DDX10: variants seen among roughly 807,000 people sequenced by gnomAD.
DDX10 encodes probable ATP-dependent RNA helicase DDX10.
Under a neutral mutation model 104.3 loss-of-function variants are expected in DDX10, and 74 were observed. The observed-to-expected ratio is 0.71, with a 90% CI of 0.59 to 0.86. DDX10 has a LOEUF of 0.86. DDX10 is among the 40% of genes least tolerant of loss of function. The pLI is 0.00. For synonymous variants in DDX10, 351 were observed against 353.4 expected (o/e 0.99, Z 0.08); for missense variants, 952 against 1,040.0 (o/e 0.92, Z 1.16).
At chr11:108,757,776 C>G (rs1328775229) in intron 13 of DDX10, among the ~76,000 whole-genome samples, 1 of 152,034 alleles carries the variant, frequency 6.6e-6, no homozygotes, top group Admixed American at 6.6e-5. Context: ...TGGCTTTTCC[C>G]TGACCTTTGG....
intron 10 of DDX10, among the ~76,000 whole-genome samples, chr11:108,714,295 TC>T (rs893660757): frequency 2.0e-5 from 3 of 152,124 alleles, no homozygotes; most frequent in African/African-American, 7.2e-5. Flanking sequence ...AGGCACTGCC[TC>T]CCCCAGTTGT....
At position 108,841,311 on chromosome 11, in the gene DDX10, G is replaced by A. The variant is rs1295210967; in HGVS notation, c.2086-4G>A. ...GTTGACACTGACCTTTTTTTTACCTGTAGTTGGTTCAGCAGTGGCCACAAA... is the reference window on the plus strand; with the variant it reads ...GTTGACACTGACCTTTTTTTTACCTATAGTTGGTTCAGCAGTGGCCACAAA... On this transcript the variant is annotated splice_region_variant and splice_polypyrimidine_tract_variant and intron_variant, in intron 14 of 17. Transcript: ENST00000322536. The A allele has an allele frequency of 6.2e-7, 1 of 1,608,604 alleles. No homozygotes were observed. The highest frequency in any genetic ancestry group is 8.5e-7 in the Non-Finnish European group (1 of 1,178,582).
At chr11:108,813,715 C>T (rs538760732) in intron 13 of DDX10, among the ~76,000 whole-genome samples, 1 of 152,184 alleles carries the variant, frequency 6.6e-6, no homozygotes, top group South Asian at 2.1e-4. Context: ...TATTTTGCGT[C>T]TAAGCTTTTG....
At chr11:108,875,328 T>C (rs1863138131) in intron 16 of DDX10, among the ~76,000 whole-genome samples, 1 of 152,168 alleles carries the variant, frequency 6.6e-6, no homozygotes, top group African/African-American at 2.4e-5. Flanking sequence ...ACTTAATGAG[T>C]CATGATTTGA....
intron 6 of DDX10, among the ~76,000 whole-genome samples, chr11:108,687,081 G>A (rs1411343906): frequency 3.9e-5 from 6 of 152,102 alleles, no homozygotes; most frequent in African/African-American, 2.4e-5. Flanking sequence ...CACTGCGCCC[G>A]GCCTCAAGTA....
At chr11:108,794,181 T>A (rs1215583859) in intron 13 of DDX10, among the ~76,000 whole-genome samples, 1 of 152,180 alleles carries the variant, frequency 6.6e-6, no homozygotes, top group Non-Finnish European at 1.5e-5. Flanking sequence ...TAATTGCTTT[T>A]TCTTTGGATG....
At chr11:108,838,645 T>C in intron 14 of DDX10, 80 bp downstream of exon 14, 1 of 1,442,828 alleles carries the variant, frequency 6.9e-7, no homozygotes, top group Non-Finnish European at 9.3e-7. Flanking sequence ...TTAGCACTCA[T>C]TAATGATAGA....
chr11:108,865,686 G>A (rs915701744), intron 16 of DDX10, among the ~76,000 whole-genome samples: 3 of 152,024 alleles, frequency 2.0e-5, no homozygotes, highest in Non-Finnish European at 4.4e-5. Flanking sequence ...GGGATGCAGC[G>A]AGATTTTGAG....
At chr11:108,847,138 A>G (rs762678792) in intron 15 of DDX10, among the ~76,000 whole-genome samples, 6 of 152,272 alleles carry the variant, frequency 3.9e-5, no homozygotes, top group Non-Finnish European at 7.3e-5. Flanking sequence ...AAATAAAAAT[A>G]CAGCAAAAGC....
At chr11:108,754,500 A>G (rs1278644177) in intron 13 of DDX10, among the ~76,000 whole-genome samples, 1 of 152,014 alleles carries the variant, frequency 6.6e-6, no homozygotes, top group Non-Finnish European at 1.5e-5. Context: ...TTTTCTGTGT[A>G]TACTTGATTT....
chr11:108,671,175 T>C (rs2094216513), intron 1 of DDX10, among the ~76,000 whole-genome samples: 1 of 152,196 alleles, frequency 6.6e-6, no homozygotes, highest in Non-Finnish European at 1.5e-5. Flanking sequence ...GAAAGAGTTA[T>C]TTTTTTGAGG....
intron 13 of DDX10, among the ~76,000 whole-genome samples, chr11:108,836,312 C>T (rs1050561884): frequency 6.6e-6 from 1 of 152,106 alleles, no homozygotes; most frequent in Non-Finnish European, 1.5e-5. Flanking sequence ...TTTAGTAATA[C>T]CCACATAGTA....
intron 12 of DDX10, 93 bp from the exon 13 acceptor site, chr11:108,722,904 T>A: frequency 6.9e-7 from 1 of 1,457,012 alleles, no homozygotes; most frequent in Middle Eastern, 1.8e-4. Flanking sequence ...AAAAAAGCTC[T>A]AGGAATCTCT....
chr11:108,731,975 T>C (rs1285706830), intron 13 of DDX10, among the ~76,000 whole-genome samples: 1 of 152,194 alleles, frequency 6.6e-6, no homozygotes, highest in Admixed American at 6.5e-5. Context: ...GTAGACACCA[T>C]ACCAGACACA....
intron 13 of DDX10, chr11:108,822,383 C>T: frequency 2.5e-6 from 1 of 405,230 alleles, no homozygotes. Context: ...GCCCTTTCTG[C>T]CTTCTTCTTA....
At chr11:108,839,125 GA>G (rs1243659830) in intron 14 of DDX10, among the ~76,000 whole-genome samples, 2 of 152,210 alleles carry the variant, frequency 1.3e-5, no homozygotes, top group Admixed American at 6.5e-5. Flanking sequence ...GGTTACTCAT[GA>G]AAGTTCATGC....
chr11:108,761,316 G>A (rs779754416), intron 13 of DDX10, among the ~76,000 whole-genome samples: 2 of 152,168 alleles, frequency 1.3e-5, no homozygotes, highest in Non-Finnish European at 2.9e-5. Context: ...TATTACTTGT[G>A]TTTTTCCTTT....
chr11:108,778,949 C>G (rs1235840553), intron 13 of DDX10, among the ~76,000 whole-genome samples: 1 of 152,226 alleles, frequency 6.6e-6, no homozygotes, highest in Non-Finnish European at 1.5e-5. Flanking sequence ...CTCATCATCA[C>G]TGGCCATCAG....
At chr11:108,918,148 A>C (rs932743087) in intron 17 of DDX10, 130 bp downstream of exon 17, 4 of 881,444 alleles carry the variant, frequency 4.5e-6, no homozygotes, top group Non-Finnish European at 7.1e-6. Flanking sequence ...ACCTTTACTT[A>C]GATTCCTGGA....
Sources: gnomAD v4.1 joint callset for allele counts (sites outside exome capture counted in the v4.1 genomes callset) on GRCh38, gnomAD v4.1.1 for gene constraint, MANE v1.5 for transcripts, NCBI Gene and HGNC (gene_info 2026-07-23, HGNC 2026-07-21) for gene names.